The following CENPP variants were observed in gnomAD, a reference collection of about 807,000 sequenced individuals.
The protein encoded by CENPP is centromere protein P.
CENPP carries 24 observed loss-of-function variants against 35.6 expected under a neutral mutation model. The observed-to-expected ratio is 0.67, with a 90% confidence interval of 0.49 to 0.95. The LOEUF (loss-of-function observed/expected upper bound fraction) is 0.95. Among genes scored for constraint, CENPP ranks in the 40% least tolerant of loss-of-function variants. The pLI is 0.00. For synonymous variants in CENPP, 120 were observed against 125.5 expected, an observed-to-expected ratio of 0.96 and a Z score of 0.29; for missense variants, 332 against 345.3, an observed-to-expected ratio of 0.96 and a Z score of 0.31.
At chr9:92,399,880 A>G (rs1843037483) in intron 5 of CENPP, among the ~76,000 whole-genome samples, 2 of 152,164 alleles carry the variant, frequency 1.3e-5, no homozygotes, top group East Asian at 1.9e-4. Context: ...ATATACCAGT[A>G]TCGCACTTTT....
upstream of CENPP, chr9:92,325,672 G>A: frequency 3.2e-6 from 1 of 311,754 alleles, no homozygotes; most frequent in Non-Finnish European, 6.1e-6. Flanking sequence ...GAGGCACGCG[G>A]CCGGGCGGCT....
At chr9:92,397,316 G>A (rs1842930977) in intron 5 of CENPP, among the ~76,000 whole-genome samples, 1 of 152,008 alleles carries the variant, frequency 6.6e-6, no homozygotes, top group African/African-American at 2.4e-5. Context: ...GAAAGCACTG[G>A]GGGTTTTTTT....
intron 5 of CENPP, chr9:92,517,813 CA>C: frequency 6.2e-7 from 1 of 1,614,186 alleles, no homozygotes. Flanking sequence ...GTGCAGGGCT[CA>C]GGCGACCACA....
intron 5 of CENPP, chr9:92,403,584 AG>A (rs1346158180): frequency 1.6e-6 from 2 of 1,234,348 alleles, no homozygotes; most frequent in East Asian, 6.3e-5. Flanking sequence ...TTTAACCCTT[AG>A]TGATCTTTAA....
chr9:92,551,953 G>GATAT (rs373483608), intron 5 of CENPP, among the ~76,000 whole-genome samples: 1 of 108,136 alleles, frequency 9.2e-6, no homozygotes, highest in African/African-American at 4.4e-5. Context: ...ATATATATAT[G>GATAT]ATATATATAT....
intron 5 of CENPP, among the ~76,000 whole-genome samples, chr9:92,532,345 A>C (rs1848850441): frequency 6.6e-6 from 1 of 151,718 alleles, no homozygotes; most frequent in South Asian, 2.1e-4. Flanking sequence ...TTTTTATCCT[A>C]TTTGGCACTT....
chr9:92,565,293 TAAAAAAAAAAAAAAA>T (rs3078380), intron 5 of CENPP, among the ~76,000 whole-genome samples: 3 of 33,164 alleles, frequency 9.0e-5, no homozygotes, highest in Middle Eastern at 0.023. Flanking sequence ...GCTGATGAGC[TAAAAAAAAAAAAAAA>T]AAAAAAAAAA....
intron 4 of CENPP, among the ~76,000 whole-genome samples, chr9:92,361,440 C>CTTATTTTATTTTATTTTATTTTATT (rs200322873): frequency 2.3e-4 from 26 of 111,748 alleles, no homozygotes; most frequent in African/African-American, 8.1e-4. Flanking sequence ...CGTACCTGGC[C>CTTATTTTATTTTATTTTATTTTATT]TTATTTTATT....
intron 5 of CENPP, chr9:92,495,930 A>G (rs1846322158): frequency 1.0e-6 from 1 of 985,870 alleles, no homozygotes. Context: ...ATGCTTCTTA[A>G]TCTTGAACCA....
chr9:92,536,710 A>G (rs1417973021), intron 5 of CENPP: 1 of 152,120 alleles, frequency 6.6e-6, no homozygotes, highest in Non-Finnish European at 1.5e-5. Flanking sequence ...TTTATGAGGG[A>G]CCTTGAGTAA....
intron 5 of CENPP, among the ~76,000 whole-genome samples, chr9:92,546,353 G>A (rs533573606): frequency 6.6e-6 from 1 of 152,176 alleles, no homozygotes; most frequent in Non-Finnish European, 1.5e-5. Flanking sequence ...CTGTGTGGAA[G>A]CTTTGTTCTT....
chr9:92,582,628 GAAA>G (rs746028139), intron 5 of CENPP, among the ~76,000 whole-genome samples: 1 of 140,240 alleles, frequency 7.1e-6, no homozygotes. Flanking sequence ...GTCCTTTCTG[GAAA>G]AAAAAAAAAG....
intron 4 of CENPP, among the ~76,000 whole-genome samples, chr9:92,379,082 G>A (rs547686400): frequency 1.8e-4 from 28 of 152,290 alleles, no homozygotes; most frequent in Non-Finnish European, 3.4e-4. Context: ...CTCACAGAAC[G>A]TACTGAAAAC....
At chr9:92,459,777 A>T (rs375301019) in intron 5 of CENPP, 8 of 1,612,554 alleles carry the variant, frequency 5.0e-6, no homozygotes, top group Non-Finnish European at 6.8e-6. Context: ...CAGCCTAAAA[A>T]TGATATAAAA....
intron 5 of CENPP, among the ~76,000 whole-genome samples, chr9:92,411,573 G>C (rs933508624): frequency 6.6e-6 from 1 of 152,142 alleles, no homozygotes; most frequent in Non-Finnish European, 1.5e-5. Context: ...GGTATTACAG[G>C]TGTAATCCAC....
At chr9:92,489,407 G>A (rs1404196151) in intron 5 of CENPP, among the ~76,000 whole-genome samples, 1 of 152,220 alleles carries the variant, frequency 6.6e-6, no homozygotes, top group Non-Finnish European at 1.5e-5. Flanking sequence ...GGGTTTGCCA[G>A]TGCAGACTGT....
chr9:92,579,787 CT>C (rs1353582827), intron 5 of CENPP, among the ~76,000 whole-genome samples: 2 of 130,134 alleles, frequency 1.5e-5, no homozygotes, highest in East Asian at 4.1e-4. Flanking sequence ...ATTGAATACC[CT>C]TTATTTCCTT....
rs10992331 is a variant in CENPP, at chr9:92,420,137, T to C, written c.564+40278T>C. Among the ~76,000 whole-genome samples the C allele has an allele frequency of 7.9e-5, 12 of 152,298 alleles. No homozygotes were observed. In the East Asian group the frequency reaches 2.3e-3, roughly 29 times the overall value. On this transcript the variant is annotated intron_variant, in intron 5 of 7. Coordinates refer to ENST00000375587, the MANE Select transcript of CENPP (RefSeq NM_001012267.3). The stretch of plus-strand genomic sequence containing the variant: ...CGCATCCTGGGTTTTGTCTTTTCTA[T>C]TACTGGAACCCTTCATACTCTTCAT...
At chr9:92,329,934 A>G (rs557428539) in intron 1 of CENPP, among the ~76,000 whole-genome samples, 2 of 152,320 alleles carry the variant, frequency 1.3e-5, no homozygotes, top group African/African-American at 4.8e-5. Context: ...TAGTTTCATG[A>G]TACAGAATAT....
Sources: allele counts gnomAD v4.1 joint callset (sites outside exome capture counted in the v4.1 genomes callset), GRCh38; gene constraint gnomAD v4.1.1; transcripts MANE v1.5; gene names NCBI Gene and HGNC (gene_info 2026-07-23, HGNC 2026-07-21).